DNAH14: variants seen among roughly 807,000 people sequenced by gnomAD.
DNAH14 encodes the protein dynein axonemal heavy chain 14.
Under a neutral mutation model 520.9 loss-of-function variants are expected in DNAH14, and 478 were observed. The ratio of observed to expected loss-of-function variants is 0.92; its 90% CI spans 0.85 to 0.99. The LOEUF is 0.99. DNAH14 is among the 50% of genes least tolerant of loss of function. The pLI, the probability that DNAH14 is intolerant of heterozygous loss-of-function variation, is 0.00. For missense variants in DNAH14, 4,831 were observed against 5,234.5 expected, an observed-to-expected ratio of 0.92 and a Z score of 2.38; for synonymous variants, 1,581 against 1,757.2, an observed-to-expected ratio of 0.90 and a Z score of 2.51.
At chr1:225,094,677 AACAACAAAACAAACAAAC>A (rs1163942164) in intron 21 of DNAH14, among the ~76,000 whole-genome samples, 16 of 92,866 alleles carry the variant, frequency 1.7e-4, no homozygotes, top group African/African-American at 1.5e-3. Context: ...AAAAAAAAAA[AACAACAAAACAAACAAAC>A]AAAAAAACGC....
intron 41 of DNAH14, among the ~76,000 whole-genome samples, chr1:225,221,603 C>T (rs1449386495): frequency 6.6e-6 from 1 of 152,138 alleles, no homozygotes; most frequent in African/African-American, 2.4e-5. Flanking sequence ...CAATGAGATA[C>T]CATCTCATGC....
intron 15 of DNAH14, among the ~76,000 whole-genome samples, chr1:225,049,785 T>TCTAC (rs1313257349): frequency 7.2e-6 from 1 of 138,594 alleles, no homozygotes; most frequent in Non-Finnish European, 1.5e-5. Flanking sequence ...TATCTATCTA[T>TCTAC]CTATCTATCT....
In DNAH14 at chr1:225,340,456, G is replaced by C. The variant is rs1000489877; in HGVS notation, c.10434-1G>C. On this transcript the variant is annotated splice_acceptor_variant, in intron 68 of 85. Transcript: ENST00000682510. LOFTEE classifies it high-confidence loss of function. ...ATAACTGGTGCCTTTCTCATGTTCAGGTTATACTTATCTACAGAAATAGAC... is the reference window on the plus strand; with the variant it reads ...ATAACTGGTGCCTTTCTCATGTTCACGTTATACTTATCTACAGAAATAGAC... The C allele has an allele frequency of 6.5e-7, 1 of 1,547,926 alleles. No homozygotes were observed. The highest frequency in any genetic ancestry group is 1.4e-5 in the African/African-American group (1 of 72,896).
chr1:225,130,239 A>G (rs1300157490), intron 27 of DNAH14, among the ~76,000 whole-genome samples: 2 of 152,190 alleles, frequency 1.3e-5, no homozygotes, highest in Admixed American at 6.5e-5. Flanking sequence ...AACTAGTTCA[A>G]TCATTGTGGA....
At chr1:225,120,994 T>C (rs2077243443) in intron 26 of DNAH14, among the ~76,000 whole-genome samples, 2 of 152,216 alleles carry the variant, frequency 1.3e-5, no homozygotes, top group Admixed American at 6.5e-5. Context: ...TTTTTTGTTC[T>C]TAATTTTATT....
At chr1:224,939,888 C>T (rs574680313) in intron 1 of DNAH14, among the ~76,000 whole-genome samples, 2 of 152,264 alleles carry the variant, frequency 1.3e-5, no homozygotes, top group South Asian at 2.1e-4. Flanking sequence ...GTGACTGAAT[C>T]ATGGAGGTGG....
At chr1:225,011,382 C>T (rs754227928) in intron 10 of DNAH14, among the ~76,000 whole-genome samples, 1 of 150,474 alleles carries the variant, frequency 6.6e-6, no homozygotes, top group African/African-American at 2.4e-5. Flanking sequence ...GAAGCAAGTA[C>T]TATATGGTGC....
In DNAH14 at chr1:225,052,433, C is replaced by T. The variant is rs180945694; in HGVS notation, c.2424+638C>T. Among the ~76,000 whole-genome samples, 640 of 152,298 alleles carry T rather than the reference C, an allele frequency of 4.2e-3. 4 individuals carry two copies. Among genetic ancestry groups the T allele is most frequent in the African/African-American group, 0.015 (609 of 41,558 alleles). On this transcript the variant is annotated intron_variant, in intron 17 of 85. Transcript: ENST00000682510. ...ACCAGCCATTGTCCACACAAGCACCCTCAGTTGTACCTCAGACCTGTTTAA... is the reference window on the plus strand; with the variant it reads ...ACCAGCCATTGTCCACACAAGCACCTTCAGTTGTACCTCAGACCTGTTTAA...
At chr1:225,145,434 C>A in intron 30 of DNAH14, 55 bp downstream of exon 30, 1 of 1,299,908 alleles carries the variant, frequency 7.7e-7, no homozygotes, top group South Asian at 1.7e-5. Context: ...AAACATAAAA[C>A]AATTCATTGA....
At chr1:225,231,700 G>A (rs1279742199) in intron 42 of DNAH14, among the ~76,000 whole-genome samples, 1 of 151,992 alleles carries the variant, frequency 6.6e-6, no homozygotes, top group African/African-American at 2.4e-5. Flanking sequence ...TTCACTTGTG[G>A]TTTCTACTCT....
intron 61 of DNAH14, among the ~76,000 whole-genome samples, chr1:225,320,825 C>G (rs2094543819): frequency 6.6e-6 from 1 of 152,180 alleles, no homozygotes; most frequent in Non-Finnish European, 1.5e-5. Flanking sequence ...AGACACGTGT[C>G]ACTTTGAATC....
At chr1:225,278,045 G>A (rs191627730) in intron 54 of DNAH14, among the ~76,000 whole-genome samples, 2 of 150,106 alleles carry the variant, frequency 1.3e-5, no homozygotes, top group African/African-American at 5.0e-5. Context: ...GTTAATTTGT[G>A]CACTTTTCTC....
intron 8 of DNAH14, among the ~76,000 whole-genome samples, chr1:224,987,067 A>T (rs1161475694): frequency 6.6e-6 from 1 of 152,192 alleles, no homozygotes; most frequent in Non-Finnish European, 1.5e-5. Context: ...TCCAGAAAGT[A>T]GTCCCATTTA....
intron 11 of DNAH14, among the ~76,000 whole-genome samples, chr1:225,026,239 T>G (rs2066111951): frequency 6.6e-6 from 1 of 151,570 alleles, no homozygotes; most frequent in East Asian, 1.9e-4. Context: ...AAGTTTTTAA[T>G]TTCTAATTTT....
At position 225,062,554 on chromosome 1, in the gene DNAH14, A is replaced by G. The variant is rs1374149205; in HGVS notation, c.2424+10759A>G. Among the ~76,000 whole-genome samples the G allele has an allele frequency of 2.0e-5, 3 of 152,160 alleles. No homozygotes were observed. In the South Asian group the frequency reaches 6.2e-4, roughly 32 times the overall value. ...TATAAAGAAGGAAGCTATGAAGAAA[A>G]AAAAAGCCCCAGAAATCTGCCCTGG... On this transcript the variant is annotated intron_variant, in intron 17 of 85. Transcript: ENST00000682510.
intron 8 of DNAH14, among the ~76,000 whole-genome samples, chr1:224,977,968 C>G (rs2061984968): frequency 6.6e-6 from 1 of 152,174 alleles, no homozygotes; most frequent in Admixed American, 6.5e-5. Context: ...AATGAGATAT[C>G]ACCTCACTCC....
intron 31 of DNAH14, 108 bp from the exon 32 acceptor site, chr1:225,151,897 A>G (rs1376740345): frequency 6.4e-6 from 6 of 932,270 alleles, no homozygotes; most frequent in Admixed American, 4.0e-5. Flanking sequence ...CTCTGTTTGC[A>G]TTTAAATGTA....
rs369960293 is a variant in DNAH14 at position 225,163,737 on chromosome 1, T to A, written c.5446-4202T>A. On this transcript the variant is annotated intron_variant, in intron 35 of 85. Transcript: ENST00000682510. ...GTCATAATGAATAATTTTTAAATGT[T>A]TTGTTGAATTTGGTTTGCTAGTATT... Among the ~76,000 whole-genome samples the A allele has an allele frequency of 2.2e-4, 34 of 152,312 alleles. No homozygotes were observed. The East Asian group carries it at 3.1e-3, about 14-fold the overall frequency.
intron 41 of DNAH14, among the ~76,000 whole-genome samples, chr1:225,224,761 C>T (rs2090380493): frequency 6.6e-6 from 1 of 152,180 alleles, no homozygotes. Context: ...CTCACTCATT[C>T]TGGATTTACT....
Sources: gnomAD v4.1 joint callset for allele counts (sites outside exome capture counted in the v4.1 genomes callset) on GRCh38, gnomAD v4.1.1 for gene constraint, MANE v1.5 for transcripts, NCBI Gene and HGNC (gene_info 2026-07-23, HGNC 2026-07-21) for gene names.